Variants in RNF214 observed in about 807,000 individuals in gnomAD.
RNF214 encodes ring finger protein 214.
A neutral mutation model predicts 75.9 loss-of-function variants in RNF214; 25 were observed. The observed-to-expected ratio is 0.33, with a 90% CI of 0.24 to 0.46. RNF214 has a LOEUF of 0.46. Ranked by LOEUF, RNF214 falls within the 20% of genes least tolerant of loss-of-function variation. The pLI, the probability that RNF214 is intolerant of heterozygous loss-of-function variation, is 1.00. For missense variants in RNF214, 725 were observed against 857.5 expected (o/e 0.85, Z 1.93); for synonymous variants, 314 against 308.8 (o/e 1.02, Z -0.18).
At chr11:117,283,620 A>G (rs1269355095) in intron 14 of RNF214, among the ~76,000 whole-genome samples, 6 of 151,288 alleles carry the variant, frequency 4.0e-5, no homozygotes, top group African/African-American at 9.7e-5. Context: ...CAGCCTCCCA[A>G]AGTGTTGGGA....
chr11:117,261,048 T>G (rs1340480527), intron 6 of RNF214, among the ~76,000 whole-genome samples: 2 of 152,072 alleles, frequency 1.3e-5, no homozygotes, highest in African/African-American at 4.8e-5. Context: ...ATAAATATTA[T>G]TGCACTGGCT....
rs566904164 is a variant in RNF214 at position 117,239,213 on chromosome 11, T to G, written c.618+102T>G. 466 of 1,262,004 alleles carry G rather than the reference T, an allele frequency of 3.7e-4. 3 individuals carry two copies. In the Middle Eastern group the frequency reaches 0.01, roughly 28 times the overall value. The allele number at this position is 1,262,004 out of a possible 1,614,324, so 78.2% of individuals were successfully genotyped here. A position where few individuals can be genotyped will look rare whatever the true frequency, so the allele number is the denominator to read the frequency against. ...TTGGTGGAGAACTTGCTGGCTTGTT[T>G]TGTTTTTTGTTTTTTTTGCTAGCAA... is the stretch of plus-strand genomic sequence containing the variant. On this transcript the variant is annotated intron_variant, in intron 3 of 14. Transcript: ENST00000300650.
At chr11:117,233,102 C>T (rs1242588158) in intron 1 of RNF214, among the ~76,000 whole-genome samples, 2 of 152,104 alleles carry the variant, frequency 1.3e-5, no homozygotes, top group Admixed American at 6.5e-5. Flanking sequence ...GGTGGTCGCC[C>T]CGGGTTGCGG....
intron 6 of RNF214, among the ~76,000 whole-genome samples, chr11:117,252,646 G>T (rs957497935): frequency 6.6e-6 from 1 of 151,450 alleles, no homozygotes; most frequent in Non-Finnish European, 1.5e-5. Context: ...TCAGCCTCCC[G>T]AGTAGCTGGG....
intron 6 of RNF214, chr11:117,264,014 T>G (rs1311098948): frequency 6.4e-6 from 1 of 156,606 alleles, no homozygotes; most frequent in East Asian, 1.9e-4. Flanking sequence ...TTGGTAGACT[T>G]ACTTTTACTG....
intron 6 of RNF214, among the ~76,000 whole-genome samples, chr11:117,274,531 T>A (rs1303129713): frequency 6.7e-6 from 1 of 149,966 alleles, no homozygotes; most frequent in Non-Finnish European, 1.5e-5. Flanking sequence ...CTCGGCTAAT[T>A]TTTTTTTTGT....
chr11:117,275,368 C>T (rs2033996299), intron 6 of RNF214, among the ~76,000 whole-genome samples: 1 of 151,844 alleles, frequency 6.6e-6, no homozygotes, highest in Non-Finnish European at 1.5e-5. Context: ...AGGAAGAAAC[C>T]AAACCCAAAG....
Position 117,254,300 on chromosome 11 carries a change from G to T in RNF214, c.959+7352G>T, listed in dbSNP as rs1348823193. 2.6e-5 allele frequency among the ~76,000 whole-genome samples: 4 copies of T among 151,748 alleles called. No homozygotes were observed. In the East Asian group the frequency reaches 7.7e-4, roughly 29 times the overall value. ...CTAAATTAAAATTGAGGCCAGGCAA[G>T]GTAGTTCACACATGTAATCCTAGCC... On this transcript the variant is annotated intron_variant, in intron 6 of 14. Transcript: ENST00000300650.
chr11:117,257,975 C>G (rs1248414010), intron 6 of RNF214, among the ~76,000 whole-genome samples: 1 of 152,132 alleles, frequency 6.6e-6, no homozygotes, highest in Admixed American at 6.5e-5. Flanking sequence ...AAGTATTGTA[C>G]ATTAACACTG....
chr11:117,273,031 T>A (rs2033943614), intron 6 of RNF214, among the ~76,000 whole-genome samples: 1 of 152,198 alleles, frequency 6.6e-6, no homozygotes, highest in Admixed American at 6.5e-5. Context: ...ATATTTTCTA[T>A]GAAAAATATT....
At chr11:117,265,307 A>G (rs1402533359) in intron 6 of RNF214, among the ~76,000 whole-genome samples, 2 of 152,172 alleles carry the variant, frequency 1.3e-5, no homozygotes, top group African/African-American at 2.4e-5. Flanking sequence ...AAAAAAGACT[A>G]CGTGCCAGTG....
rs376329252 is a variant in RNF214 at position 117,282,173 on chromosome 11, G to A, written c.1615G>A (p.Gly539Ser). 33 of 1,613,838 alleles carry A rather than the reference G, an allele frequency of 2.0e-5. No individual in the cohort carries two copies. The highest frequency in any genetic ancestry group is 2.7e-5 in the African/African-American group (2 of 74,862). The change falls in exon 11 of 15, where the codon GGT becomes AGT. Residue 539 changes from glycine (G) to serine (S), a missense_variant. Coordinates refer to ENST00000300650, the MANE Select transcript of RNF214 (RefSeq NM_207343.4). ...ASIPPPPGLG[G>S]VKASAETPRP... is the part of the protein sequence containing the mutation. ...CATCCCACCTCCCCCAGGCTTGGGC[G>A]GTGTTAAGGCTTCTGCTGAAACTCC... is the stretch of plus-strand genomic sequence containing the variant.
At chr11:117,281,463 C>A in intron 9 of RNF214, 59 bp downstream of exon 9, 1 of 1,451,134 alleles carries the variant, frequency 6.9e-7, no homozygotes, top group Non-Finnish European at 9.7e-7. Flanking sequence ...ACACTTCCAG[C>A]AATTGGGAGG....
intron 6 of RNF214, among the ~76,000 whole-genome samples, chr11:117,275,664 A>G (rs2034002244): frequency 6.6e-6 from 1 of 152,222 alleles, no homozygotes; most frequent in South Asian, 2.1e-4. Flanking sequence ...TCCTGGAAAC[A>G]CACAACCCCC....
Position 117,279,323 on chromosome 11 carries a change from C to CTT in RNF214, c.960-560_960-559dup, listed in dbSNP as rs34196418. 3.2e-3 allele frequency among the ~76,000 whole-genome samples: 337 copies of CTT among 104,338 alleles called. 23 individuals carry two copies. The highest frequency in any genetic ancestry group is 7.9e-3 in the African/African-American group (201 of 25,424). 68.4% of individuals were successfully genotyped at this position (104,338 alleles called of 152,430 possible). A position where few individuals can be genotyped will look rare whatever the true frequency, so the allele number is the denominator to read the frequency against. On this transcript the variant is annotated intron_variant, in intron 6 of 14. Transcript: ENST00000300650. Reference sequence around the variant, plus strand: ...TTATTTTAGCAAGTGGAGATACAAACTTTTTTTTTTTTTTTTTTTTTTTTT... The same window carrying CTT: ...TTATTTTAGCAAGTGGAGATACAAACTTTTTTTTTTTTTTTTTTTTTTTTTTT...
chr11:117,268,903 C>A (rs560428477), intron 6 of RNF214, among the ~76,000 whole-genome samples: 1 of 152,178 alleles, frequency 6.6e-6, no homozygotes, highest in East Asian at 1.9e-4. Context: ...GTTCTCTTTG[C>A]CCTCTAAAAG....
At chr11:117,240,384 T>TAAAAAAAAAAA (rs372718608) in intron 4 of RNF214, among the ~76,000 whole-genome samples, 1 of 61,722 alleles carries the variant, frequency 1.6e-5, no homozygotes. Flanking sequence ...CAAAAAAAAT[T>TAAAAAAAAAAA]AAAAAAAAAA....
intron 6 of RNF214, among the ~76,000 whole-genome samples, chr11:117,276,096 A>G (rs994556733): frequency 1.3e-5 from 2 of 152,256 alleles, no homozygotes; most frequent in East Asian, 3.8e-4. Context: ...ACACAAGTCA[A>G]TAAATGTGAT....
Position 117,286,358 on chromosome 11 carries a change from A to C in RNF214, c.*1207A>C, listed in dbSNP as rs2034260505. 6.6e-6 allele frequency: 1 copy of C among 152,188 alleles called. No homozygotes were observed. Among genetic ancestry groups the C allele is most frequent in the African/African-American group, 2.4e-5 (1 of 41,442 alleles). 9.4% of individuals were successfully genotyped at this position (152,188 alleles called of 1,614,324 possible). On this transcript the variant is annotated 3_prime_UTR_variant, in exon 15 of 15. Transcript: ENST00000300650. The stretch of plus-strand genomic sequence containing the variant: ...TTATACCTGGGAAAGCTGTGACTCT[A>C]TTAGAGCTTTGAATCTTTTCCTATC...
Sources: allele counts gnomAD v4.1 joint callset (sites outside exome capture counted in the v4.1 genomes callset), GRCh38; gene constraint gnomAD v4.1.1; transcripts MANE v1.5; gene names NCBI Gene and HGNC (gene_info 2026-07-23, HGNC 2026-07-21).